DCBLD2: variants seen among roughly 807,000 people sequenced by gnomAD.
The protein encoded by DCBLD2 is discoidin, CUB and LCCL domain-containing protein 2.
In DCBLD2, 54 loss-of-function variants were observed where a neutral mutation model predicts 86.8. The observed-to-expected ratio is 0.62, with a 90% CI of 0.50 to 0.78. DCBLD2 has a LOEUF of 0.78. Ranked by LOEUF, DCBLD2 falls within the 30% of genes least tolerant of loss-of-function variation. DCBLD2 has a pLI of 0.00. For synonymous variants in DCBLD2, 354 were observed against 341.3 expected, an observed-to-expected ratio of 1.04 and a Z score of -0.41; for missense variants, 908 against 954.2, an observed-to-expected ratio of 0.95 and a Z score of 0.64.
intron 14 of DCBLD2, 28 bp from the exon 15 acceptor site, chr3:98,800,744 C>T (rs201624066): frequency 2.5e-5 from 41 of 1,613,314 alleles, no homozygotes; most frequent in Non-Finnish European, 3.3e-5. Flanking sequence ...GCCAAAGAGA[C>T]CATTAAATAA....
At chr3:98,853,983 G>A (rs2439236) in intron 2 of DCBLD2, among the ~76,000 whole-genome samples, 54,279 of 129,268 alleles carry the variant, frequency 0.42, 9,815 homozygotes, top group Middle Eastern at 0.47. Flanking sequence ...TTTACGAACA[G>A]GTTTTTTTTT....
chr3:98,814,423 G>T (rs1026034651), intron 9 of DCBLD2: 1 of 152,076 alleles, frequency 6.6e-6, no homozygotes, highest in African/African-American at 2.4e-5. Context: ...AAAAAGATTT[G>T]CTATAGTCAA....
intron 3 of DCBLD2, among the ~76,000 whole-genome samples, chr3:98,839,110 TTTC>T (rs1318210841): frequency 1.1e-4 from 12 of 104,588 alleles, no homozygotes; most frequent in Non-Finnish European, 1.7e-4. Context: ...CCCTTCTTTC[TTTC>T]TTTCTTTTTC....
intron 3 of DCBLD2, among the ~76,000 whole-genome samples, chr3:98,848,633 A>G (rs1942770517): frequency 6.6e-6 from 1 of 152,144 alleles, no homozygotes; most frequent in East Asian, 1.9e-4. Flanking sequence ...CAGCATCTGA[A>G]TAACCTTGTT....
At chr3:98,801,469 A>C (rs573689167) in intron 14 of DCBLD2, 131 bp downstream of exon 14, 1 of 574,656 alleles carries the variant, frequency 1.7e-6, no homozygotes, top group South Asian at 3.2e-5. Flanking sequence ...AGAACTGAAG[A>C]GTAATGCCAT....
intron 2 of DCBLD2, among the ~76,000 whole-genome samples, chr3:98,851,710 A>G (rs1451753311): frequency 6.6e-6 from 1 of 152,252 alleles, no homozygotes; most frequent in Non-Finnish European, 1.5e-5. Flanking sequence ...CCCAAACAGC[A>G]CGGTACTGGT....
At chr3:98,896,782 C>T (rs933142623) in intron 1 of DCBLD2, among the ~76,000 whole-genome samples, 12 of 152,132 alleles carry the variant, frequency 7.9e-5, no homozygotes, top group African/African-American at 2.7e-4. Context: ...AGAAAAATTG[C>T]CAAATTGTCT....
In DCBLD2 at chr3:98,795,995, C is replaced by T. The variant is rs1941578805; in HGVS notation, c.*3377G>A. On this transcript the variant is annotated 3_prime_UTR_variant, in exon 16 of 16. Coordinates refer to ENST00000326840, the MANE Select transcript of DCBLD2 (RefSeq NM_080927.4). ...TATAGTATAAGGAAAAGCTACAAAC[C>T]TCAAGGTTGTTTTATTTAAACCAAA... The T allele has an allele frequency of 6.6e-6, 1 of 152,424 alleles. No homozygotes were observed. The highest frequency in any genetic ancestry group is 2.4e-5 in the African/African-American group (1 of 41,370). 9.4% of individuals were successfully genotyped at this position (152,424 alleles called of 1,614,324 possible).
intron 13 of DCBLD2, among the ~76,000 whole-genome samples, chr3:98,806,868 A>G (rs1448640300): frequency 6.6e-6 from 1 of 152,098 alleles, no homozygotes; most frequent in Admixed American, 6.6e-5. Flanking sequence ...CATCCTGTCA[A>G]TGCTACTGGG....
intron 9 of DCBLD2, 149 bp from the exon 10 acceptor site, chr3:98,812,631 C>T (rs371040442): frequency 6.7e-6 from 4 of 600,858 alleles, no homozygotes; most frequent in African/African-American, 3.8e-5. Context: ...AGAAAATAAT[C>T]ATAATTTGGA....
Position 98,828,051 on chromosome 3 carries a change from A to G in DCBLD2, c.572-2685T>C, listed in dbSNP as rs1197305312. The stretch of plus-strand genomic sequence containing the variant: ...AAACAAACAAATGAATTGGACCCGT[A>G]CCTCAAACTACATACAAAATAAAGT... On this transcript the variant is annotated intron_variant, in intron 3 of 15. Coordinates refer to ENST00000326840, the MANE Select transcript of DCBLD2 (RefSeq NM_080927.4). Among the ~76,000 whole-genome samples the G allele has an allele frequency of 5.9e-5, 9 of 152,348 alleles. No individual in the cohort carries two copies. The South Asian group carries it at 1.7e-3, about 28-fold the overall frequency.
chr3:98,899,025 CAA>C (rs1169998444), intron 1 of DCBLD2, among the ~76,000 whole-genome samples: 1 of 147,364 alleles, frequency 6.8e-6, no homozygotes, highest in Non-Finnish European at 1.5e-5. Context: ...AACTGAGGTA[CAA>C]AGAGATTAAA....
intron 13 of DCBLD2, among the ~76,000 whole-genome samples, chr3:98,803,169 C>T (rs1345626706): frequency 1.3e-5 from 2 of 152,152 alleles, no homozygotes; most frequent in African/African-American, 4.8e-5. Context: ...ATTGATTCTT[C>T]CTATCCATGA....
chr3:98,867,830 T>G (rs192862282), intron 2 of DCBLD2, among the ~76,000 whole-genome samples: 20 of 150,430 alleles, frequency 1.3e-4, no homozygotes, highest in Admixed American at 1.0e-3. Context: ...TGAGACGGAG[T>G]CTCGCTCTGT....
intron 3 of DCBLD2, among the ~76,000 whole-genome samples, chr3:98,842,168 CTCTTA>C (rs1263509436): frequency 2.0e-5 from 3 of 152,312 alleles, no homozygotes; most frequent in Non-Finnish European, 4.4e-5. Flanking sequence ...TCATTCTTCT[CTCTTA>C]TGTGATCTAA....
intron 2 of DCBLD2, 80 bp from the exon 3 acceptor site, chr3:98,849,678 G>A (rs2107484562): frequency 6.9e-7 from 1 of 1,450,276 alleles, no homozygotes; most frequent in African/African-American, 1.4e-5. Context: ...AACAGAAGCA[G>A]AATAATATAC....
intron 9 of DCBLD2, chr3:98,813,399 G>T (rs560708295): frequency 6.6e-6 from 1 of 152,304 alleles, no homozygotes; most frequent in African/African-American, 2.4e-5. Context: ...TGGGATTACA[G>T]GTGTGCACCA....
At chr3:98,829,353 T>C (rs1157494331) in intron 3 of DCBLD2, among the ~76,000 whole-genome samples, 1 of 152,136 alleles carries the variant, frequency 6.6e-6, no homozygotes, top group Non-Finnish European at 1.5e-5. Context: ...TAAACTTGTG[T>C]CATGGGGGTT....
intron 6 of DCBLD2, among the ~76,000 whole-genome samples, chr3:98,821,637 T>C (rs1942119633): frequency 2.0e-5 from 3 of 152,302 alleles, no homozygotes; most frequent in East Asian, 1.9e-4. Flanking sequence ...TAGACTCTTA[T>C]GTAGACTTTT....
Sources: allele counts gnomAD v4.1 joint callset (sites outside exome capture counted in the v4.1 genomes callset), GRCh38; gene constraint gnomAD v4.1.1; transcripts MANE v1.5; gene names NCBI Gene and HGNC (gene_info 2026-07-23, HGNC 2026-07-21).